Variants in WWP1 observed in about 807,000 individuals in gnomAD.
WWP1 encodes WW domain containing E3 ubiquitin protein ligase 1.
WWP1 carries 49 observed loss-of-function variants against 130.6 expected under a neutral mutation model. The observed-to-expected ratio is 0.38, with a 90% CI of 0.30 to 0.48. The LOEUF (loss-of-function observed/expected upper bound fraction) is 0.48, where lower values mean the gene tolerates loss of function less well. WWP1 is among the 20% of genes least tolerant of loss of function. The pLI, the probability that WWP1 is intolerant of heterozygous loss-of-function variation, is 0.99. For missense variants in WWP1, 809 were observed against 1,100.6 expected (o/e 0.74, Z 3.75); for synonymous variants, 332 against 367.8 (o/e 0.90, Z 1.11).
chr8:86,451,053 A>G (rs1482816306), intron 20 of WWP1, among the ~76,000 whole-genome samples: 1 of 150,830 alleles, frequency 6.6e-6, no homozygotes, highest in African/African-American at 2.4e-5. Context: ...CTCTACAAAA[A>G]TAAATAAATA....
chr8:86,457,425 GTCTGTCTATCTATCTATCTATCTA>G (rs1443392995), intron 21 of WWP1, among the ~76,000 whole-genome samples: 2 of 150,542 alleles, frequency 1.3e-5, no homozygotes, highest in Non-Finnish European at 3.0e-5. Flanking sequence ...CTGTCTGTCT[GTCTGTCTATCTATCTATCTATCTA>G]TCTATCTAGA....
chr8:86,406,398 G>T (rs1808280602), intron 8 of WWP1, among the ~76,000 whole-genome samples: 1 of 152,094 alleles, frequency 6.6e-6, no homozygotes, highest in Non-Finnish European at 1.5e-5. Flanking sequence ...TATTAATAAA[G>T]TAGATCAGAG....
chr8:86,418,714 G>A (rs1399001662), intron 9 of WWP1, among the ~76,000 whole-genome samples: 9 of 152,246 alleles, frequency 5.9e-5, no homozygotes, highest in East Asian at 1.9e-4. Context: ...GATACTTGAC[G>A]CTTGGGAACA....
At chr8:86,390,309 C>T (rs1353618421) in intron 5 of WWP1, among the ~76,000 whole-genome samples, 1 of 152,192 alleles carries the variant, frequency 6.6e-6, no homozygotes, top group Non-Finnish European at 1.5e-5. Flanking sequence ...TGGGCACAGG[C>T]TGCAATCTCG....
At chr8:86,394,328 C>CA (rs556333242) in intron 5 of WWP1, among the ~76,000 whole-genome samples, 2,494 of 152,184 alleles carry the variant, frequency 0.016, 30 homozygotes, top group Non-Finnish European at 0.025. Flanking sequence ...CTAGGAGGTA[C>CA]AAAAAAATCA....
At chr8:86,412,302 T>C (rs909107928) in intron 9 of WWP1, among the ~76,000 whole-genome samples, 4 of 152,212 alleles carry the variant, frequency 2.6e-5, no homozygotes, top group Non-Finnish European at 1.5e-5. Context: ...ACCTTGCTGA[T>C]TGGCTCTATT....
At position 86,464,250 on chromosome 8, in the gene WWP1, G is replaced by A. The variant is rs189892161; in HGVS notation, c.2669+2404G>A. On this transcript the variant is annotated intron_variant, in intron 24 of 24. Transcript: ENST00000517970. ...AATCTCCATTTCTAACTATTTATCT[G>A]TGTGGGGCTATAGATTAAATGTACA... is the stretch of plus-strand genomic sequence containing the variant. Among the ~76,000 whole-genome samples, 4 of 152,034 alleles carry A rather than the reference G, an allele frequency of 2.6e-5. No individual in the cohort carries two copies. The East Asian group carries it at 7.7e-4, about 29-fold the overall frequency.
In WWP1 at chr8:86,430,766, C is replaced by T; in HGVS notation, c.1387+15C>T. ...ACCAGGCTGGGGTAAGCTGTTTTTG[C>T]TAATGATCTATAAGGGAGATATATA... is the stretch of plus-strand genomic sequence containing the variant. On this transcript the variant is annotated intron_variant, in intron 12 of 24. Transcript: ENST00000517970. The T allele has an allele frequency of 1.3e-6, 2 of 1,498,060 alleles. No individual in the cohort carries two copies. The highest frequency in any genetic ancestry group is 1.8e-6 in the Non-Finnish European group (2 of 1,115,580). The allele number at this position is 1,498,060 out of a possible 1,614,324, so 92.8% of individuals were successfully genotyped here. A position where few individuals can be genotyped will look rare whatever the true frequency, so the allele number is the denominator to read the frequency against.
rs1283907909 is a variant in WWP1 at position 86,342,879 on chromosome 8, G to A, written c.-166G>A. On this transcript the variant is annotated 5_prime_UTR_variant, in exon 1 of 25. Transcript: ENST00000517970. ...GGTGAGGGCGCCCGCCGCAGGAGGAGGTGCCGCTGCCGTGGCCGCCCGGCT... is the reference window on the plus strand; with the variant it reads ...GGTGAGGGCGCCCGCCGCAGGAGGAAGTGCCGCTGCCGTGGCCGCCCGGCT... 2.7e-6 allele frequency: 1 copy of A among 364,434 alleles called. No homozygotes were observed. The highest frequency in any genetic ancestry group is 4.9e-6 in the Non-Finnish European group (1 of 203,908). The allele number at this position is 364,434 out of a possible 1,614,324, so 22.6% of individuals were successfully genotyped here. A position where few individuals can be genotyped will look rare whatever the true frequency, so the allele number is the denominator to read the frequency against.
intron 7 of WWP1, among the ~76,000 whole-genome samples, chr8:86,399,116 C>T (rs901530039): frequency 2.0e-5 from 3 of 152,154 alleles, no homozygotes; most frequent in African/African-American, 7.2e-5. Context: ...ATTTATGTTG[C>T]AGCATATACA....
At chr8:86,345,074 A>G (rs1430066718) in intron 1 of WWP1, among the ~76,000 whole-genome samples, 1 of 152,124 alleles carries the variant, frequency 6.6e-6, no homozygotes, top group Non-Finnish European at 1.5e-5. Flanking sequence ...TGTTGTAGTC[A>G]TGGATAGTGA....
At chr8:86,427,054 C>T (rs962975844) in intron 10 of WWP1, among the ~76,000 whole-genome samples, 3 of 151,690 alleles carry the variant, frequency 2.0e-5, no homozygotes, top group Admixed American at 6.6e-5. Flanking sequence ...TCCCAGCTAC[C>T]CAGGAGGCTG....
chr8:86,401,729 G>A (rs1807990048), intron 7 of WWP1, among the ~76,000 whole-genome samples: 2 of 151,940 alleles, frequency 1.3e-5, no homozygotes, highest in South Asian at 2.1e-4. Flanking sequence ...TTTTGACTTA[G>A]TATGTTTGTA....
chr8:86,352,372 A>C (rs1041376982), intron 1 of WWP1, among the ~76,000 whole-genome samples: 5 of 151,930 alleles, frequency 3.3e-5, no homozygotes, highest in Non-Finnish European at 7.4e-5. Flanking sequence ...TTACAGGTGC[A>C]TGCCACCAGG....
chr8:86,396,369 G>T (rs1177002947), intron 5 of WWP1, among the ~76,000 whole-genome samples: 1 of 152,140 alleles, frequency 6.6e-6, no homozygotes, highest in Non-Finnish European at 1.5e-5. Flanking sequence ...AAAGTGCTGG[G>T]ATTACAGGCG....
At position 86,468,451 on chromosome 8, in the gene WWP1, G is replaced by A; in HGVS notation, c.*1558G>A. 1 of 436,808 alleles carries A rather than the reference G, an allele frequency of 2.3e-6. No individual in the cohort carries two copies. Among genetic ancestry groups the A allele is most frequent in the Non-Finnish European group, 4.5e-6 (1 of 221,932 alleles). The allele number at this position is 436,808 out of a possible 1,614,324, so 27.1% of individuals were successfully genotyped here. The stretch of plus-strand genomic sequence containing the variant: ...AAAGAATTAAAAAAAAAATTCTAAT[G>A]TATGTGACAGGTTATGTGATAGAGG... On this transcript the variant is annotated 3_prime_UTR_variant, in exon 25 of 25. Coordinates refer to ENST00000517970, the MANE Select transcript of WWP1 (RefSeq NM_007013.4).
chr8:86,385,392 G>T (rs1031113646), intron 5 of WWP1, among the ~76,000 whole-genome samples: 3 of 152,102 alleles, frequency 2.0e-5, no homozygotes, highest in Admixed American at 6.5e-5. Context: ...AGGTGTTGAG[G>T]CAGTGAAAGA....
At chr8:86,412,689 G>A (rs541877219) in intron 9 of WWP1, among the ~76,000 whole-genome samples, 4 of 140,270 alleles carry the variant, frequency 2.9e-5, no homozygotes, top group African/African-American at 8.2e-5. Flanking sequence ...CACTATGTTA[G>A]TGTACGTTGG....
chr8:86,389,783 G>A (rs1200276295), intron 5 of WWP1, among the ~76,000 whole-genome samples: 1 of 150,714 alleles, frequency 6.6e-6, no homozygotes, highest in Admixed American at 6.6e-5. Context: ...CTGCCCGGCG[G>A]AGGCCGCCCC....
Sources: gnomAD v4.1 joint callset for allele counts (sites outside exome capture counted in the v4.1 genomes callset) on GRCh38, gnomAD v4.1.1 for gene constraint, MANE v1.5 for transcripts, NCBI Gene and HGNC (gene_info 2026-07-23, HGNC 2026-07-21) for gene names.